TRMT9B: variants seen among roughly 807,000 people sequenced by gnomAD.
TRMT9B encodes probable tRNA methyltransferase 9B.
TRMT9B carries 16 observed loss-of-function variants against 11.5 expected under a neutral mutation model. The ratio of observed to expected loss-of-function variants is 1.39; its 90% confidence interval spans 0.94 to 2.11. The LOEUF (loss-of-function observed/expected upper bound fraction) is 2.11. Among genes scored for constraint, TRMT9B ranks in the 30% most tolerant of loss-of-function variants. The probability of loss-of-function intolerance (pLI) is 0.00; values close to 1 mark genes in which losing one functional copy is unlikely to be tolerated. For synonymous variants in TRMT9B, 274 were observed against 192.4 expected (o/e 1.42, Z -3.51); for missense variants, 941 against 553.8 (o/e 1.70, Z -7.02).
At chr8:12,966,744 C>T (rs1585121130) in intron 1 of TRMT9B, among the ~76,000 whole-genome samples, 1 of 152,174 alleles carries the variant, frequency 6.6e-6, no homozygotes, top group Non-Finnish European at 1.5e-5. Flanking sequence ...ACTCACAGAG[C>T]ACCCTCATTT....
rs1814336615 is a variant in TRMT9B, at chr8:13,023,946, AGTT to A, written c.*1905_*1907del. ...TTGTCTGGTGAAAATGATGCATATG[AGTT>A]GTACTGTTCAGTGTACATCCTGCAG... On this transcript the variant is annotated 3_prime_UTR_variant, in exon 5 of 5. Coordinates refer to ENST00000524591, the MANE Select transcript of TRMT9B (RefSeq NM_020844.3). 6.0e-6 allele frequency: 1 copy of A among 166,140 alleles called. No homozygotes were observed. The highest frequency in any genetic ancestry group is 6.6e-5 in the Admixed American group (1 of 15,180). The allele number at this position is 166,140 out of a possible 1,614,324, so 10.3% of individuals were successfully genotyped here.
chr8:12,974,025 G>T (rs1804040255), intron 1 of TRMT9B, among the ~76,000 whole-genome samples: 1 of 151,892 alleles, frequency 6.6e-6, no homozygotes. Context: ...TTTTTAAAAA[G>T]CTAGGCATAG....
intron 2 of TRMT9B, among the ~76,000 whole-genome samples, chr8:13,001,175 C>G (rs1366348202): frequency 6.6e-6 from 1 of 152,160 alleles, no homozygotes; most frequent in Non-Finnish European, 1.5e-5. Context: ...AAATGGACTC[C>G]CTAACACAGA....
At position 13,022,052 on chromosome 8, in the gene TRMT9B, C is replaced by CT; in HGVS notation, c.*12dup. ...AAGAGAGGTTGTGATTGATTGGATC[C>CT]TTTTAGACAACTCCTCCAAAAGATG... On this transcript the variant is annotated 3_prime_UTR_variant, in exon 5 of 5. Coordinates refer to ENST00000524591, the MANE Select transcript of TRMT9B (RefSeq NM_020844.3). 1 of 1,531,172 alleles carries CT rather than the reference C, an allele frequency of 6.5e-7. No homozygotes were observed. The highest frequency in any genetic ancestry group is 8.8e-7 in the Non-Finnish European group (1 of 1,138,612). The allele number at this position is 1,531,172 out of a possible 1,614,324, so 94.8% of individuals were successfully genotyped here. A position where few individuals can be genotyped will look rare whatever the true frequency, so the allele number is the denominator to read the frequency against.
In TRMT9B at chr8:13,028,380, C is replaced by A. The variant is rs1190825570; in HGVS notation, c.*6336C>A. On this transcript the variant is annotated 3_prime_UTR_variant, in exon 5 of 5. Transcript: ENST00000524591. ...CAACCCAATTAATCATTAATACATC[C>A]ACAGGAAAAATACATTTTCTCCACA... 1 of 166,914 alleles carries A rather than the reference C, an allele frequency of 6.0e-6. No homozygotes were observed. Among genetic ancestry groups the A allele is most frequent in the African/African-American group, 2.4e-5 (1 of 41,400 alleles). The allele number at this position is 166,914 out of a possible 1,614,324, so 10.3% of individuals were successfully genotyped here.
intron 3 of TRMT9B, among the ~76,000 whole-genome samples, chr8:13,009,190 A>T (rs571254698): frequency 6.6e-5 from 10 of 152,140 alleles, no homozygotes; most frequent in African/African-American, 2.2e-4. Flanking sequence ...TATACATGGG[A>T]TCTAAAACAG....
chr8:12,952,957 C>T (rs944370186), intron 1 of TRMT9B, among the ~76,000 whole-genome samples: 21 of 152,290 alleles, frequency 1.4e-4, no homozygotes, highest in Admixed American at 9.1e-4. Flanking sequence ...TCAGGCTGGT[C>T]TGGAACTCCT....
chr8:13,011,714 C>T, intron 3 of TRMT9B: 6 of 975,992 alleles, frequency 6.1e-6, no homozygotes, highest in South Asian at 4.7e-5. Flanking sequence ...TAGGTCTCTG[C>T]TACTGGAAAG....
At chr8:12,980,104 A>G (rs1805114378) in intron 1 of TRMT9B, among the ~76,000 whole-genome samples, 1 of 152,166 alleles carries the variant, frequency 6.6e-6, no homozygotes, top group Admixed American at 6.5e-5. Flanking sequence ...AAATGACCAC[A>G]AAGTGGGTGG....
At position 13,012,038 on chromosome 8, in the gene TRMT9B, G is replaced by T. The variant is rs913871738; in HGVS notation, c.155-646G>T. The stretch of plus-strand genomic sequence containing the variant: ...ATGAAATATGAATGTGAGCTTAGAG[G>T]CTACACGTGGTCTCTCGGATACTAG... On this transcript the variant is annotated intron_variant, in intron 3 of 4. Coordinates refer to ENST00000524591, the MANE Select transcript of TRMT9B (RefSeq NM_020844.3). 22 of 985,230 alleles carry T rather than the reference G, an allele frequency of 2.2e-5. No individual in the cohort carries two copies. The South Asian group carries it at 9.4e-4, about 42-fold the overall frequency. 61.0% of individuals were successfully genotyped at this position (985,230 alleles called of 1,614,324 possible). A position where few individuals can be genotyped will look rare whatever the true frequency, so the allele number is the denominator to read the frequency against.
intron 1 of TRMT9B, among the ~76,000 whole-genome samples, chr8:12,973,705 G>A (rs1002501488): frequency 6.6e-6 from 1 of 152,108 alleles, no homozygotes; most frequent in Admixed American, 6.5e-5. Flanking sequence ...TGGATTATCC[G>A]TTTCAGAAAA....
chr8:12,981,346 T>TG (rs1017865747), intron 1 of TRMT9B, among the ~76,000 whole-genome samples: 3 of 152,066 alleles, frequency 2.0e-5, no homozygotes, highest in African/African-American at 7.2e-5. Flanking sequence ...GGGTGTGAAT[T>TG]GGGGGTGGGA....
At chr8:12,957,487 A>G (rs2977082) in intron 1 of TRMT9B, among the ~76,000 whole-genome samples, 3 of 152,118 alleles carry the variant, frequency 2.0e-5, no homozygotes, top group African/African-American at 7.2e-5. Context: ...ATACAGGTAC[A>G]TTCTCAATGT....
chr8:12,959,202 C>G (rs373551647), intron 1 of TRMT9B, among the ~76,000 whole-genome samples: 2 of 152,214 alleles, frequency 1.3e-5, no homozygotes, highest in East Asian at 3.9e-4. Flanking sequence ...CCTTGGGCAT[C>G]CCTAACCTGA....
chr8:12,979,083 T>C (rs989447038), intron 1 of TRMT9B, among the ~76,000 whole-genome samples: 1 of 152,126 alleles, frequency 6.6e-6, no homozygotes, highest in African/African-American at 2.4e-5. Context: ...AACGTGGTGG[T>C]GTGGAATGGG....
intron 2 of TRMT9B, among the ~76,000 whole-genome samples, chr8:12,994,695 A>G (rs911451322): frequency 3.2e-4 from 49 of 151,604 alleles, no homozygotes; most frequent in Admixed American, 2.8e-3. Context: ...CTTTTTTTTT[A>G]TTTGAGACGG....
At chr8:12,977,425 G>A (rs73204351) in intron 1 of TRMT9B, among the ~76,000 whole-genome samples, 3 of 152,192 alleles carry the variant, frequency 2.0e-5, no homozygotes, top group Non-Finnish European at 4.4e-5. Flanking sequence ...ATTCTTGGCC[G>A]GGCGTGGGTG....
At chr8:12,992,812 T>A (rs896593624) in intron 2 of TRMT9B, among the ~76,000 whole-genome samples, 1 of 152,076 alleles carries the variant, frequency 6.6e-6, no homozygotes, top group African/African-American at 2.4e-5. Context: ...GAGGTTGCAG[T>A]GAGCAGAGAT....
intron 1 of TRMT9B, chr8:12,960,511 G>A (rs1801959217): frequency 6.6e-6 from 1 of 152,184 alleles, no homozygotes; most frequent in African/African-American, 2.4e-5. Context: ...GCACACAAAT[G>A]TCTGTAGCCA....
Sources: allele counts gnomAD v4.1 joint callset (sites outside exome capture counted in the v4.1 genomes callset), GRCh38; gene constraint gnomAD v4.1.1; transcripts MANE v1.5; gene names NCBI Gene and HGNC (gene_info 2026-07-23, HGNC 2026-07-21).